Variants in MAP4K4 observed in about 807,000 individuals in gnomAD.
MAP4K4 encodes the protein HPK/GCK-like kinase HGK.
In MAP4K4, 38 loss-of-function variants were observed where a neutral mutation model predicts 189.6. The ratio of observed to expected loss-of-function variants is 0.20; its 90% confidence interval spans 0.15 to 0.26. The LOEUF (loss-of-function observed/expected upper bound fraction) is 0.26. MAP4K4 is among the 10% of genes least tolerant of loss of function. The pLI is 1.00. For synonymous variants in MAP4K4, 610 were observed against 624.3 expected (o/e 0.98, Z 0.34); for missense variants, 1,054 against 1,726.9 (o/e 0.61, Z 6.91).
chr2:101,789,224 T>A (rs1265306203), intron 2 of MAP4K4, among the ~76,000 whole-genome samples: 2 of 152,354 alleles, frequency 1.3e-5, no homozygotes, highest in Middle Eastern at 3.4e-3. Context: ...GTGGAAAGTA[T>A]GAGAGGATCA....
At chr2:101,891,363 G>A in exon 33 of MAP4K4, 1 of 801,082 alleles carries the variant, frequency 1.2e-6, no homozygotes, top group Non-Finnish European at 2.1e-6. Context: ...ACAGCTGTGT[G>A]TGCAGACCTC....
At chr2:101,785,686 C>G (rs1221327349) in intron 2 of MAP4K4, among the ~76,000 whole-genome samples, 1 of 1,438 alleles carries the variant, frequency 7.0e-4, no homozygotes, top group African/African-American at 6.0e-3. Context: ...CCCTCTCTCT[C>G]TCTCTCTCTC....
intron 2 of MAP4K4, among the ~76,000 whole-genome samples, chr2:101,720,426 G>A (rs1473902740): frequency 6.6e-6 from 1 of 152,094 alleles, no homozygotes; most frequent in East Asian, 1.9e-4. Context: ...TTTTTACATT[G>A]AAGTCCTGGA....
chr2:101,870,645 C>G (rs946483337), intron 23 of MAP4K4: 2 of 516,830 alleles, frequency 3.9e-6, no homozygotes, highest in African/African-American at 3.9e-5. Flanking sequence ...ATGTCTGCGG[C>G]AGCCCTCATT....
At chr2:101,820,189 G>T (rs1443399419) in intron 3 of MAP4K4, among the ~76,000 whole-genome samples, 2 of 152,112 alleles carry the variant, frequency 1.3e-5, no homozygotes, top group Admixed American at 6.5e-5. Flanking sequence ...CTTAATTATT[G>T]CTCAGGAAGC....
chr2:101,759,901 T>C (rs1401236414), intron 2 of MAP4K4, among the ~76,000 whole-genome samples: 2 of 148,962 alleles, frequency 1.3e-5, no homozygotes, highest in Non-Finnish European at 1.5e-5. Flanking sequence ...TGGAGTGCAA[T>C]GGCACAGTCT....
In MAP4K4 at chr2:101,856,044, A is replaced by G. The variant is rs1486695428; in HGVS notation, c.1301A>G (p.Glu434Gly). ...GAACAGCGAAGGAGAGAACAAGAAG[A>G]AAAGAGGCGTCTAGAGGAGTTGGAG... Residue 434 changes from glutamate to glycine, a missense_variant, in exon 13 of 33, where the codon GAA becomes GGA. Physicochemically the swap from Glu to Gly is moderately conservative, Grantham distance 98. Around this residue, in one of 4 missense-constraint regions of MAP4K4, gnomAD observed 646 missense variants for 796.2 expected, o/e 0.81. Coordinates refer to ENST00000324219, the Ensembl canonical transcript of MAP4K4. 5 of 1,551,870 alleles carry G rather than the reference A, an allele frequency of 3.2e-6. No homozygotes were observed. In the Admixed American group the frequency reaches 7.8e-5, roughly 24 times the overall value.
rs2149444507 is a variant in MAP4K4, at chr2:101,833,170, T to C, written c.640-1239T>C. ...CCTTTTTGTTGTATTCGGATATATG[T>C]GTCTGAACTTTGTAATGTAAGTGTA... On this transcript the variant is annotated intron_variant, in intron 7 of 32. Coordinates refer to ENST00000324219, the Ensembl canonical transcript of MAP4K4. Among the ~76,000 whole-genome samples the C allele has an allele frequency of 2.0e-5, 3 of 152,358 alleles. 1 individual carries two copies. The Middle Eastern group carries it at 0.01, about 518-fold the overall frequency.
At chr2:101,791,149 C>T (rs1322539299) in intron 3 of MAP4K4, among the ~76,000 whole-genome samples, 2 of 152,096 alleles carry the variant, frequency 1.3e-5, no homozygotes, top group African/African-American at 4.8e-5. Context: ...AAAAGCTTCT[C>T]TAGGGTATTA....
chr2:101,870,306 A>G (rs1343683877), exon 23 of MAP4K4: 1 of 1,612,818 alleles, frequency 6.2e-7, no homozygotes, highest in African/African-American at 1.3e-5. Context: ...TCATCTCTGA[A>G]TTTGAGCAAT....
intron 3 of MAP4K4, among the ~76,000 whole-genome samples, chr2:101,805,331 C>G (rs1192924067): frequency 1.3e-5 from 2 of 152,088 alleles, no homozygotes; most frequent in South Asian, 2.1e-4. Flanking sequence ...ATTACTTTTG[C>G]CTGTGTCTGT....
intron 16 of MAP4K4, among the ~76,000 whole-genome samples, 184 bp from the exon 17 acceptor site, chr2:101,863,637 A>G (rs2097732912): frequency 6.6e-6 from 1 of 152,234 alleles, no homozygotes; most frequent in African/African-American, 2.4e-5. Context: ...TTTTCTACAT[A>G]CTGTGTTCCC....
intron 2 of MAP4K4, among the ~76,000 whole-genome samples, chr2:101,754,687 C>G (rs1200552166): frequency 6.6e-6 from 1 of 152,178 alleles, no homozygotes; most frequent in Non-Finnish European, 1.5e-5. Context: ...AAGTTTTCAT[C>G]AAGCAGAGTT....
At chr2:101,791,414 C>T (rs189238294) in intron 3 of MAP4K4, among the ~76,000 whole-genome samples, 124 of 151,882 alleles carry the variant, frequency 8.2e-4, no homozygotes, top group Middle Eastern at 3.4e-3. Flanking sequence ...AATATATGCA[C>T]GAGCCCATAT....
chr2:101,761,683 G>A (rs1242699420), intron 2 of MAP4K4, among the ~76,000 whole-genome samples: 1 of 151,760 alleles, frequency 6.6e-6, no homozygotes, highest in South Asian at 2.1e-4. Context: ...AGCCTCCTGA[G>A]TAGCTGGGAT....
At chr2:101,752,464 A>G (rs1261841537) in intron 2 of MAP4K4, among the ~76,000 whole-genome samples, 1 of 152,154 alleles carries the variant, frequency 6.6e-6, no homozygotes, top group African/African-American at 2.4e-5. Flanking sequence ...GCTTATATCC[A>G]TCTGCATTTT....
At chr2:101,797,055 A>G (rs969773781) in intron 3 of MAP4K4, among the ~76,000 whole-genome samples, 1 of 152,198 alleles carries the variant, frequency 6.6e-6, no homozygotes, top group African/African-American at 2.4e-5. Flanking sequence ...ATGCTCTGGT[A>G]CGAGGGAGTA....
At chr2:101,879,190 G>A (rs1194618171) in intron 27 of MAP4K4, among the ~76,000 whole-genome samples, 6 of 76,694 alleles carry the variant, frequency 7.8e-5, no homozygotes, top group African/African-American at 3.6e-4. Flanking sequence ...GTGAGAGCCT[G>A]TCTCCAAAAA....
At chr2:101,870,018 C>CT (rs1468435308) in intron 22 of MAP4K4, 3 of 646,502 alleles carry the variant, frequency 4.6e-6, no homozygotes, top group Admixed American at 6.7e-5. Context: ...TTATTTTTTC[C>CT]TTTTGATTTG....
Sources: allele counts gnomAD v4.1 joint callset (sites outside exome capture counted in the v4.1 genomes callset), GRCh38; gene constraint gnomAD v4.1.1; regional missense constraint gnomAD v4.1.1; transcripts MANE v1.5; gene names NCBI Gene and HGNC (gene_info 2026-07-23, HGNC 2026-07-21).